CHD1: variants seen among roughly 807,000 people sequenced by gnomAD.
The protein encoded by CHD1 is chromodomain helicase DNA binding protein 1.
CHD1 carries 36 observed loss-of-function variants against 224.2 expected under a neutral mutation model. The ratio of observed to expected loss-of-function variants is 0.16; its 90% CI spans 0.12 to 0.21. The LOEUF (loss-of-function observed/expected upper bound fraction) is 0.21, where lower values mean the gene tolerates loss of function less well. Ranked by LOEUF, CHD1 falls within the 10% of genes least tolerant of loss-of-function variation. The pLI is 1.00. For synonymous variants in CHD1, 668 were observed against 658.3 expected (o/e 1.01, Z -0.23); for missense variants, 1,378 against 1,994.8 (o/e 0.69, Z 5.89).
At position 98,901,401 on chromosome 5, in the gene CHD1, A is replaced by C. The variant is rs1471049987; in HGVS notation, c.438-66T>G. The C allele has an allele frequency of 2.3e-6, 3 of 1,298,712 alleles. No homozygotes were observed. In the African/African-American group the frequency reaches 4.5e-5, roughly 19 times the overall value. The allele number at this position is 1,298,712 out of a possible 1,614,324, so 80.4% of individuals were successfully genotyped here. A position where few individuals can be genotyped will look rare whatever the true frequency, so the allele number is the denominator to read the frequency against. ...ATGGCAAGTTTTATCCCTAATACAA[A>C]GATGATCAAATCAACCAAACTATAT... On this transcript the variant is annotated intron_variant, in intron 5 of 35. Transcript: ENST00000614616.
At chr5:98,885,028 A>G (rs1447357359) in intron 18 of CHD1, among the ~76,000 whole-genome samples, 1 of 152,014 alleles carries the variant, frequency 6.6e-6, no homozygotes. Flanking sequence ...TACTGTGCCC[A>G]ATCTGGCTAA....
At chr5:98,897,598 A>C (rs1314532941) in intron 10 of CHD1, among the ~76,000 whole-genome samples, 2 of 152,212 alleles carry the variant, frequency 1.3e-5, no homozygotes, top group Admixed American at 1.3e-4. Flanking sequence ...TTTCACAAGC[A>C]AAACCTACGT....
At chr5:98,896,705 T>C (rs1441788538) in intron 11 of CHD1, among the ~76,000 whole-genome samples, 1 of 151,976 alleles carries the variant, frequency 6.6e-6, no homozygotes, top group Non-Finnish European at 1.5e-5. Context: ...GTTTAATCAA[T>C]TATGAAGCCA....
chr5:98,919,826 C>T (rs1459070977), intron 2 of CHD1, among the ~76,000 whole-genome samples: 1 of 152,146 alleles, frequency 6.6e-6, no homozygotes, highest in African/African-American at 2.4e-5. Flanking sequence ...GCTCTGTCTA[C>T]TTTGTTCACT....
chr5:98,869,466 A>G (rs1283342709), intron 30 of CHD1: 11 of 322,304 alleles, frequency 3.4e-5, no homozygotes, highest in Non-Finnish European at 5.9e-5. Flanking sequence ...TCATAATACA[A>G]TTAAAAGAGA....
intron 2 of CHD1, among the ~76,000 whole-genome samples, chr5:98,912,054 T>C (rs148822051): frequency 6.6e-6 from 1 of 152,086 alleles, no homozygotes; most frequent in African/African-American, 2.4e-5. Flanking sequence ...GAGAATGGTC[T>C]AAAAGAAAAA....
At chr5:98,859,620 C>G (rs1048123375) in intron 33 of CHD1, among the ~76,000 whole-genome samples, 13 of 152,010 alleles carry the variant, frequency 8.6e-5, no homozygotes, top group Admixed American at 3.3e-4. Context: ...AAGTGATGTA[C>G]CTTTCTCAGT....
In CHD1 at chr5:98,855,440, G is replaced by T. The variant is rs552549342; in HGVS notation, c.*940C>A. On this transcript the variant is annotated 3_prime_UTR_variant, in exon 36 of 36. Coordinates refer to ENST00000614616, the MANE Select transcript of CHD1 (RefSeq NM_001270.4). ...CTACCCTTTTAAACCAGATGCATCTGAAAAAAGTGTTTCCAGAGCATGCAG... is the reference window on the plus strand; with the variant it reads ...CTACCCTTTTAAACCAGATGCATCTTAAAAAAGTGTTTCCAGAGCATGCAG... 7.9e-5 allele frequency: 12 copies of T among 152,348 alleles called. No individual in the cohort carries two copies. The highest frequency in any genetic ancestry group is 2.9e-4 in the African/African-American group (12 of 41,466). The allele number at this position is 152,348 out of a possible 1,614,324, so 9.4% of individuals were successfully genotyped here. A position where few individuals can be genotyped will look rare whatever the true frequency, so the allele number is the denominator to read the frequency against.
At chr5:98,881,425 C>T (rs1488302948) in intron 20 of CHD1, 50 bp from the exon 21 acceptor site, 4 of 821,924 alleles carry the variant, frequency 4.9e-6, no homozygotes, top group Non-Finnish European at 7.6e-6. Context: ...AAAAATATAA[C>T]AGTTACACAG....
At position 98,913,680 on chromosome 5, in the gene CHD1, T is replaced by C. The variant is rs138802720; in HGVS notation, c.54-8582A>G. ...AGATGAGCCTCAGGTTTCTGCCACA[T>C]AGAACTAATTATTTAATTATTTAAT... On this transcript the variant is annotated intron_variant, in intron 2 of 35. Coordinates refer to ENST00000614616, the MANE Select transcript of CHD1 (RefSeq NM_001270.4). 3.6e-3 allele frequency among the ~76,000 whole-genome samples: 547 copies of C among 152,332 alleles called. 3 individuals carry two copies. The highest frequency in any genetic ancestry group is 0.011 in the South Asian group (54 of 4,828).
Position 98,875,069 on chromosome 5 carries a change from T to C in CHD1, c.3440+3A>G. Reference sequence around the variant, plus strand: ...ATTCTATGAGAATAATAAACGTATTTACCTTTCCAGAGGACCACCAAATTT... The same window carrying C: ...ATTCTATGAGAATAATAAACGTATTCACCTTTCCAGAGGACCACCAAATTT... On this transcript the variant is annotated splice_donor_region_variant and intron_variant, in intron 25 of 35. Transcript: ENST00000614616. 7.1e-7 allele frequency: 1 copy of C among 1,410,900 alleles called. No individual in the cohort carries two copies. Among genetic ancestry groups the C allele is most frequent in the Non-Finnish European group, 1.0e-6 (1 of 1,003,332 alleles). The allele number at this position is 1,410,900 out of a possible 1,614,324, so 87.4% of individuals were successfully genotyped here.
At chr5:98,887,132 G>A (rs1274787988) in intron 17 of CHD1, among the ~76,000 whole-genome samples, 1 of 152,078 alleles carries the variant, frequency 6.6e-6, no homozygotes, top group Non-Finnish European at 1.5e-5. Context: ...CTTTAAATGA[G>A]TAAACTGTAT....
At chr5:98,903,286 A>AT (rs1460845453) in intron 4 of CHD1, among the ~76,000 whole-genome samples, 2 of 151,938 alleles carry the variant, frequency 1.3e-5, no homozygotes, top group East Asian at 3.9e-4. Flanking sequence ...CAAATTTTGA[A>AT]TTTTTTCTTC....
At chr5:98,881,252 CT>C (rs11295695) in intron 21 of CHD1, 26 bp downstream of exon 21, 89,138 of 667,836 alleles carry the variant, frequency 0.13, 69 homozygotes, top group Non-Finnish European at 0.15. Context: ...TGAGGCAGGC[CT>C]TTTTTTTTTT....
intron 16 of CHD1, among the ~76,000 whole-genome samples, chr5:98,888,524 A>G (rs1750800526): frequency 6.6e-6 from 1 of 152,186 alleles, no homozygotes; most frequent in Non-Finnish European, 1.5e-5. Context: ...TGTTTCTCCA[A>G]AAATCTTAGC....
chr5:98,872,767 G>T (rs1170711417), intron 26 of CHD1, among the ~76,000 whole-genome samples: 1 of 152,078 alleles, frequency 6.6e-6, no homozygotes, highest in Non-Finnish European at 1.5e-5. Context: ...ATTTCTCTAA[G>T]TGTTTTACCA....
chr5:98,866,583 C>A (rs1387062292), intron 31 of CHD1, among the ~76,000 whole-genome samples: 1 of 152,022 alleles, frequency 6.6e-6, no homozygotes, highest in Admixed American at 6.6e-5. Flanking sequence ...TTGATTAATA[C>A]TAGTGATAAA....
chr5:98,888,910 A>G (rs1348614738), intron 16 of CHD1, among the ~76,000 whole-genome samples, 166 bp downstream of exon 16: 1 of 152,256 alleles, frequency 6.6e-6, no homozygotes, highest in Non-Finnish European at 1.5e-5. Flanking sequence ...TTAGAATTTT[A>G]AAGTCTTTTC....
At chr5:98,882,176 T>TAA in intron 19 of CHD1, 53 bp from the exon 20 acceptor site, 1 of 1,496,826 alleles carries the variant, frequency 6.7e-7, no homozygotes, top group Non-Finnish European at 9.1e-7. Context: ...TTTGTTTTGC[T>TAA]AACCTCAAGT....
Sources: gnomAD v4.1 joint callset for allele counts (sites outside exome capture counted in the v4.1 genomes callset) on GRCh38, gnomAD v4.1.1 for gene constraint, MANE v1.5 for transcripts, NCBI Gene and HGNC (gene_info 2026-07-23, HGNC 2026-07-21) for gene names.